STAU2: variants seen among roughly 807,000 people sequenced by gnomAD.
STAU2 encodes the protein staufen double-stranded RNA binding protein 2.
In STAU2, 20 loss-of-function variants were observed where a neutral mutation model predicts 65.9. That is an observed-to-expected ratio of 0.30 (90% CI 0.21 to 0.44). The LOEUF is 0.44. STAU2 is among the 20% of genes least tolerant of loss of function. The pLI, the probability that STAU2 is intolerant of heterozygous loss-of-function variation, is 1.00. For synonymous variants in STAU2, 232 were observed against 233.9 expected (o/e 0.99, Z 0.07); for missense variants, 558 against 683.9 (o/e 0.82, Z 2.05).
At chr8:73,735,581 A>C (rs1180866125) in intron 3 of STAU2, among the ~76,000 whole-genome samples, 2 of 152,208 alleles carry the variant, frequency 1.3e-5, no homozygotes, top group African/African-American at 2.4e-5. Context: ...AGGGATGCTC[A>C]ACCTGTAGGC....
intron 13 of STAU2, among the ~76,000 whole-genome samples, chr8:73,492,556 C>T (rs1215072429): frequency 6.6e-6 from 1 of 151,856 alleles, no homozygotes; most frequent in East Asian, 1.9e-4. Flanking sequence ...CCAATGCCAT[C>T]AACATACACA....
At chr8:73,536,932 T>C (rs1806221030) in intron 13 of STAU2, among the ~76,000 whole-genome samples, 1 of 152,118 alleles carries the variant, frequency 6.6e-6, no homozygotes. Context: ...AATCTCAACT[T>C]GAATGAGAAA....
At chr8:73,586,646 C>CAAAAAAAAAAAAAAAAAAAAAAAACAA in intron 11 of STAU2, among the ~76,000 whole-genome samples, 1 of 62,740 alleles carries the variant, frequency 1.6e-5, no homozygotes, top group East Asian at 4.7e-4. Flanking sequence ...AAAAAAAATG[C>CAAAAAAAAAAAAAAAAAAAAAAAACAA]AAAAAAAAAA....
chr8:73,617,941 C>A (rs1812958032), intron 6 of STAU2, among the ~76,000 whole-genome samples: 1 of 152,106 alleles, frequency 6.6e-6, no homozygotes, highest in South Asian at 2.1e-4. Flanking sequence ...GGAGTTTAGG[C>A]CAGTTCTTAA....
chr8:73,533,359 A>ATATTAT (rs1805952924), intron 13 of STAU2, among the ~76,000 whole-genome samples: 1 of 152,182 alleles, frequency 6.6e-6, no homozygotes, highest in Admixed American at 6.5e-5. Flanking sequence ...GCTTTCTTTG[A>ATATTAT]AATTTGCAAA....
chr8:73,492,660 T>C (rs1300280117), intron 13 of STAU2, among the ~76,000 whole-genome samples: 2 of 151,842 alleles, frequency 1.3e-5, no homozygotes, highest in South Asian at 2.1e-4. Context: ...ATTCTTCATA[T>C]GGTATGAGGA....
intron 9 of STAU2, among the ~76,000 whole-genome samples, chr8:73,605,307 CTTTTTTTT>C (rs760108756): frequency 8.1e-6 from 1 of 124,030 alleles, no homozygotes; most frequent in Non-Finnish European, 1.7e-5. Context: ...GGCTTTTTTC[CTTTTTTTT>C]TTTTTTTTTT....
intron 12 of STAU2, among the ~76,000 whole-genome samples, chr8:73,559,744 G>C (rs948558340): frequency 6.6e-6 from 1 of 152,062 alleles, no homozygotes; most frequent in Non-Finnish European, 1.5e-5. Flanking sequence ...CTGTTGTTGG[G>C]ATCAAATCGA....
intron 3 of STAU2, among the ~76,000 whole-genome samples, chr8:73,724,691 AT>A (rs71269938): frequency 0.057 from 8,011 of 141,758 alleles, 255 homozygotes; most frequent in Middle Eastern, 0.13. Context: ...ATATATATAT[AT>A]TTTTTTTTTT....
intron 13 of STAU2, among the ~76,000 whole-genome samples, chr8:73,481,666 G>T (rs531653574): frequency 1.1e-4 from 17 of 152,122 alleles, no homozygotes; most frequent in African/African-American, 4.1e-4. Context: ...ACTATGCAAA[G>T]AACTAAAATG....
chr8:73,727,441 G>T (rs1805724327), intron 3 of STAU2, among the ~76,000 whole-genome samples: 1 of 152,116 alleles, frequency 6.6e-6, no homozygotes, highest in Non-Finnish European at 1.5e-5. Flanking sequence ...ATTACCTATT[G>T]TGGATATTTC....
At chr8:73,703,292 A>G (rs1376519168) in intron 4 of STAU2, among the ~76,000 whole-genome samples, 1 of 152,030 alleles carries the variant, frequency 6.6e-6, no homozygotes, top group East Asian at 1.9e-4. Context: ...CAATCCCCAC[A>G]TTGCTCCTGC....
At chr8:73,734,386 T>A (rs1806282545) in intron 3 of STAU2, among the ~76,000 whole-genome samples, 1 of 152,096 alleles carries the variant, frequency 6.6e-6, no homozygotes, top group Non-Finnish European at 1.5e-5. Context: ...ACATGGAACA[T>A]CCATGTTCTA....
intron 14 of STAU2, among the ~76,000 whole-genome samples, chr8:73,421,905 T>C (rs555798344): frequency 6.6e-6 from 1 of 152,312 alleles, no homozygotes; most frequent in South Asian, 2.1e-4. Context: ...CCTGCTATTA[T>C]TACTGCTTGG....
chr8:73,431,984 G>A (rs536476322), intron 13 of STAU2, among the ~76,000 whole-genome samples: 6 of 152,282 alleles, frequency 3.9e-5, no homozygotes, highest in South Asian at 2.1e-4. Flanking sequence ...CTTGTGACAC[G>A]TAGTTCTTTG....
chr8:73,719,059 G>A (rs1821457786), intron 3 of STAU2, among the ~76,000 whole-genome samples: 1 of 152,158 alleles, frequency 6.6e-6, no homozygotes, highest in South Asian at 2.1e-4. Context: ...CCACGGCAAC[G>A]TCAAACGGAA....
intron 5 of STAU2, among the ~76,000 whole-genome samples, chr8:73,679,887 T>TAA (rs1363821688): frequency 1.7e-5 from 2 of 117,354 alleles, no homozygotes; most frequent in Non-Finnish European, 1.8e-5. Flanking sequence ...AGACTCCACC[T>TAA]AAAAAAAAAA....
chr8:73,670,381 G>C (rs1051145651), intron 6 of STAU2: 25 of 151,916 alleles, frequency 1.6e-4, no homozygotes, highest in Non-Finnish European at 7.4e-5. Flanking sequence ...ACCTAAGGGA[G>C]AAAAAGACGG....
At chr8:73,722,591 T>A (rs1219806629) in intron 3 of STAU2, among the ~76,000 whole-genome samples, 3 of 152,250 alleles carry the variant, frequency 2.0e-5, no homozygotes, top group Non-Finnish European at 4.4e-5. Context: ...GTTTGCTTGC[T>A]TATATCGTTT....
Sources: gnomAD v4.1 joint callset for allele counts (sites outside exome capture counted in the v4.1 genomes callset) on GRCh38, gnomAD v4.1.1 for gene constraint, MANE v1.5 for transcripts, NCBI Gene and HGNC (gene_info 2026-07-23, HGNC 2026-07-21) for gene names.